FAM161A: variants seen among roughly 807,000 people sequenced by gnomAD.
FAM161A encodes the protein protein FAM161A.
Under a neutral mutation model 70.9 loss-of-function variants are expected in FAM161A, and 57 were observed. The observed-to-expected ratio is 0.80, with a 90% confidence interval of 0.65 to 1.00. The LOEUF (loss-of-function observed/expected upper bound fraction) is 1.00, where lower values mean the gene tolerates loss of function less well. Ranked by LOEUF, FAM161A falls within the 50% of genes least tolerant of loss-of-function variation. FAM161A has a pLI of 0.00. For missense variants in FAM161A, 880 were observed against 836.0 expected (o/e 1.05, Z -0.65); for synonymous variants, 299 against 295.7 (o/e 1.01, Z -0.12).
the FAM161A span, among the ~76,000 whole-genome samples, chr2:61,809,517 T>C: frequency 2.0e-5 from 3 of 152,192 alleles, no homozygotes; most frequent in South Asian, 4.1e-4. Context: ...AGCATGTCTA[T>C]GGAAGAGCTT....
the FAM161A span, among the ~76,000 whole-genome samples, chr2:61,814,759 T>A: frequency 1.3e-5 from 2 of 152,180 alleles, no homozygotes; most frequent in East Asian, 3.8e-4. Flanking sequence ...ACCCCCTTCA[T>A]GAATATTCAC....
At chr2:61,830,683 CAAAAAAAA>C (rs10633119) in intron 5 of FAM161A, among the ~76,000 whole-genome samples, 2 of 82,118 alleles carry the variant, frequency 2.4e-5, no homozygotes, top group East Asian at 3.6e-4. Context: ...GACCCTGTCT[CAAAAAAAA>C]AAAAAAAAAA....
chr2:61,824,951 A>G lies in FAM161A; in HGVS notation c.*1504T>C, dbSNP rs1308373072. On this transcript the variant is annotated 3_prime_UTR_variant, in exon 7 of 7. Coordinates refer to ENST00000404929, the MANE Select transcript of FAM161A (RefSeq NM_001201543.2). ...AAGATGAATTTTTAAATGGTGCCAAATCCCAAGGAGTTTACAATATAATAA... is the reference window on the plus strand; with the variant it reads ...AAGATGAATTTTTAAATGGTGCCAAGTCCCAAGGAGTTTACAATATAATAA... 2 of 453,218 alleles carry G rather than the reference A, an allele frequency of 4.4e-6. No homozygotes were observed. Among genetic ancestry groups the G allele is most frequent in the Non-Finnish European group, 8.8e-6 (2 of 226,620 alleles). 28.1% of individuals were successfully genotyped at this position (453,218 alleles called of 1,614,324 possible).
At chr2:61,830,446 C>G (rs1301782156) in intron 5 of FAM161A, among the ~76,000 whole-genome samples, 1 of 151,648 alleles carries the variant, frequency 6.6e-6, no homozygotes, top group Non-Finnish European at 1.5e-5. Context: ...TTTGGGAGGC[C>G]GAGGCAGGTG....
the FAM161A span, among the ~76,000 whole-genome samples, chr2:61,805,372 C>G: frequency 1.3e-5 from 2 of 152,072 alleles, no homozygotes; most frequent in African/African-American, 4.8e-5. Context: ...AAAATTTAGC[C>G]GGGCTTGGTG....
chr2:61,829,713 A>T (rs1027310111), intron 5 of FAM161A, among the ~76,000 whole-genome samples: 1 of 152,228 alleles, frequency 6.6e-6, no homozygotes, highest in Non-Finnish European at 1.5e-5. Flanking sequence ...AATTTGTGCC[A>T]GTAAGCCTTC....
At chr2:61,806,680 C>CTTTTTTTTTTTTTTTTTTTTTTTTTTT in the FAM161A span, among the ~76,000 whole-genome samples, 1 of 61,568 alleles carries the variant, frequency 1.6e-5, no homozygotes, top group African/African-American at 7.0e-5. Context: ...CTTTCCACGT[C>CTTTTTTTTTTTTTTTTTTTTTTTTTTT]TTTTTTTTTT....
At chr2:61,815,535 C>CTTT in the FAM161A span, among the ~76,000 whole-genome samples, 375 of 53,248 alleles carry the variant, frequency 7.0e-3, 30 homozygotes, top group Non-Finnish European at 7.9e-3. Context: ...AAAGATGTGT[C>CTTT]TTTTTTTTTT....
chr2:61,817,574 G>A, the FAM161A span, among the ~76,000 whole-genome samples: 4 of 152,168 alleles, frequency 2.6e-5, no homozygotes, highest in South Asian at 6.2e-4. Context: ...TCTCTTTTTC[G>A]CATGACAGAC....
At chr2:61,819,915 T>C (rs1558469307), downstream of FAM161A, among the ~76,000 whole-genome samples, 1 of 152,230 alleles carries the variant, frequency 6.6e-6, no homozygotes, top group Non-Finnish European at 1.5e-5. Context: ...TTTTTTTCTA[T>C]TATACAATGT....
chr2:61,810,666 G>A, the FAM161A span, among the ~76,000 whole-genome samples: 3 of 151,756 alleles, frequency 2.0e-5, 1 homozygote, highest in East Asian at 1.9e-4. Context: ...CTCCATGTTG[G>A]TCAGGCTTGT....
At chr2:61,802,440 C>A in the FAM161A span, among the ~76,000 whole-genome samples, 1,155 of 152,280 alleles carry the variant, frequency 7.6e-3, 50 homozygotes, top group Admixed American at 0.066. Context: ...TTACTCATCT[C>A]TTCCACATCC....
Position 61,842,195 on chromosome 2 carries a change from A to G in FAM161A, c.349T>C (p.Tyr117His). The change falls in exon 2 of 7, where the codon TAC becomes CAC. Residue 117 changes from tyrosine (Y) to histidine (H), a missense_variant. Coordinates refer to ENST00000404929, the MANE Select transcript of FAM161A (RefSeq NM_001201543.2). Reference protein sequence around the residue: ...IETMAKLEKMYQDKLHLKEVQ... With the variant: ...IETMAKLEKMHQDKLHLKEVQ... Reference sequence around the variant, plus strand: ...TCCTTTAAATGTAATTTATCCTGGTACATTTTCTCTAATTTTGCCATAGTT... The same window carrying G: ...TCCTTTAAATGTAATTTATCCTGGTGCATTTTCTCTAATTTTGCCATAGTT... The G allele has an allele frequency of 6.2e-7, 1 of 1,613,972 alleles. No homozygotes were observed. The highest frequency in any genetic ancestry group is 8.5e-7 in the Non-Finnish European group (1 of 1,179,852).
intron 3 of FAM161A, among the ~76,000 whole-genome samples, chr2:61,838,925 C>A (rs1164364075): frequency 1.3e-5 from 2 of 150,512 alleles, no homozygotes; most frequent in African/African-American, 4.9e-5. Flanking sequence ...CTCTGTCGCC[C>A]AGGCTGGAGT....
chr2:61,816,701 A>T, the FAM161A span, among the ~76,000 whole-genome samples: 4 of 152,080 alleles, frequency 2.6e-5, no homozygotes, highest in Non-Finnish European at 5.9e-5. Flanking sequence ...GAACTCCTGG[A>T]CATGATCTTC....
chr2:61,821,829 G>C (rs1672209583), downstream of FAM161A, among the ~76,000 whole-genome samples: 1 of 151,902 alleles, frequency 6.6e-6, no homozygotes, highest in African/African-American at 2.4e-5. Context: ...GAGTGCAGTG[G>C]CATGATCTCA....
downstream of FAM161A, among the ~76,000 whole-genome samples, chr2:61,823,594 G>C (rs1027896871): frequency 6.6e-6 from 1 of 151,806 alleles, no homozygotes; most frequent in Non-Finnish European, 1.5e-5. Flanking sequence ...TTGAACTCCT[G>C]ACCTCAAGTG....
At chr2:61,804,177 G>A in the FAM161A span, among the ~76,000 whole-genome samples, 1 of 152,324 alleles carries the variant, frequency 6.6e-6, no homozygotes, top group Admixed American at 6.5e-5. Context: ...GCACTGGTGG[G>A]AGTGTAGCAG....
chr2:61,842,212 GC>G lies in FAM161A; in HGVS notation c.331del (p.Ala111GlnfsTer3). The G allele has an allele frequency of 6.2e-7, 1 of 1,613,612 alleles. No homozygotes were observed. Among genetic ancestry groups the G allele is most frequent in the Non-Finnish European group, 8.5e-7 (1 of 1,179,652 alleles). Reference protein sequence around the residue: ...ELKAAHIETMAKLEKMYQDKL... With the variant: ...ELKAAHIETMXKLEKMYQDKL... ...ATCCTGGTACATTTTCTCTAATTTTGCCATAGTTTCTATGTGGGCAGCCTTC... is the reference window on the plus strand; with the variant it reads ...ATCCTGGTACATTTTCTCTAATTTTGCATAGTTTCTATGTGGGCAGCCTTC... On this transcript the variant is annotated frameshift_variant, in exon 2 of 7. Coordinates refer to ENST00000404929, the MANE Select transcript of FAM161A (RefSeq NM_001201543.2). LOFTEE classifies it high-confidence loss of function.
Sources: allele counts gnomAD v4.1 joint callset (sites outside exome capture counted in the v4.1 genomes callset), GRCh38; gene constraint gnomAD v4.1.1; transcripts MANE v1.5; gene names NCBI Gene and HGNC (gene_info 2026-07-23, HGNC 2026-07-21).